Variants in ICA1 observed in about 807,000 individuals in gnomAD.
The protein encoded by ICA1 is 69 kDa islet cell autoantigen.
In ICA1, 40 loss-of-function variants were observed where a neutral mutation model predicts 71.0. That is an observed-to-expected ratio of 0.56 (90% CI 0.44 to 0.73). The LOEUF is 0.73. Among genes scored for constraint, ICA1 ranks in the 30% least tolerant of loss-of-function variants. ICA1 has a pLI of 0.00. For missense variants in ICA1, 578 were observed against 576.5 expected, an observed-to-expected ratio of 1.00 and a Z score of -0.03; for synonymous variants, 207 against 209.5, an observed-to-expected ratio of 0.99 and a Z score of 0.10.
intron 13 of ICA1, among the ~76,000 whole-genome samples, chr7:8,116,730 G>C (rs1338539735): frequency 6.6e-6 from 1 of 150,940 alleles, no homozygotes; most frequent in Non-Finnish European, 1.5e-5. Context: ...GAAGCAATAG[G>C]ACTAGTAACT....
At chr7:8,241,243 C>T (rs899573461) in intron 1 of ICA1, among the ~76,000 whole-genome samples, 3 of 152,158 alleles carry the variant, frequency 2.0e-5, no homozygotes, top group African/African-American at 7.2e-5. Context: ...AAGCCAGAAG[C>T]GAGTGGGGGC....
intron 6 of ICA1, among the ~76,000 whole-genome samples, chr7:8,167,635 T>TA (rs199502925): frequency 0.01 from 1,527 of 151,934 alleles, 31 homozygotes; most frequent in African/African-American, 0.034. Context: ...AAATAAATGT[T>TA]AAAAAAAAGC....
At chr7:8,127,434 G>C (rs552384438) in intron 13 of ICA1, among the ~76,000 whole-genome samples, 1 of 152,232 alleles carries the variant, frequency 6.6e-6, no homozygotes, top group Admixed American at 6.5e-5. Context: ...GATAGAAAGG[G>C]AGCAGAAATG....
chr7:8,239,704 CTT>C (rs1334517643), intron 1 of ICA1, among the ~76,000 whole-genome samples: 2 of 152,234 alleles, frequency 1.3e-5, no homozygotes, highest in Non-Finnish European at 2.9e-5. Flanking sequence ...AAATACTGCA[CTT>C]TTCCAACAGT....
intron 1 of ICA1, among the ~76,000 whole-genome samples, chr7:8,250,807 A>T (rs1024258466): frequency 6.6e-6 from 1 of 152,238 alleles, no homozygotes; most frequent in Non-Finnish European, 1.5e-5. Flanking sequence ...GGTAGCTAAA[A>T]GGTGAGTTTT....
chr7:8,116,240 ACTG>A (rs1409214897), intron 13 of ICA1: 7 of 152,228 alleles, frequency 4.6e-5, no homozygotes, highest in African/African-American at 1.7e-4. Context: ...ATTACCTTTC[ACTG>A]CAGGGCTGTT....
At chr7:8,217,583 C>A (rs183590745) in intron 6 of ICA1, among the ~76,000 whole-genome samples, 1 of 152,096 alleles carries the variant, frequency 6.6e-6, no homozygotes, top group Non-Finnish European at 1.5e-5. Flanking sequence ...TATATCCAGG[C>A]GACCAAACAA....
chr7:8,203,670 T>A (rs1790499591), intron 6 of ICA1, among the ~76,000 whole-genome samples: 1 of 152,224 alleles, frequency 6.6e-6, no homozygotes, highest in African/African-American at 2.4e-5. Context: ...GAGGCCCTAA[T>A]TCAGAGTGAG....
chr7:8,243,049 C>A (rs1361284867), intron 1 of ICA1, among the ~76,000 whole-genome samples: 3 of 152,150 alleles, frequency 2.0e-5, no homozygotes, highest in Non-Finnish European at 4.4e-5. Flanking sequence ...AGAGGGAATC[C>A]TCCTTAACTC....
In ICA1 at chr7:8,130,917, C is replaced by T. The variant is rs578087041; in HGVS notation, c.1061-2775G>A. Among the ~76,000 whole-genome samples the T allele has an allele frequency of 6.6e-6, 1 of 152,248 alleles. No individual in the cohort carries two copies. The highest frequency in any genetic ancestry group is 2.1e-4 in the South Asian group (1 of 4,822). ...CCCTTCCCTCTGCTTCTTCAGTTTT[C>T]CCTTTGGGAAAATGCCTTCTCCATG... is the stretch of plus-strand genomic sequence containing the variant. On this transcript the variant is annotated intron_variant, in intron 12 of 13. Transcript: ENST00000402384. This position sits in a 1 kb window ranked among gnomAD's most constrained non-coding sequence, Gnocchi z 4.2.
chr7:8,218,379 C>A lies in ICA1; in HGVS notation c.505G>T (p.Ala169Ser). Residue 169 changes from alanine to serine, a missense_variant, in exon 6 of 14, where the codon GCA (alanine) becomes TCA (serine). By Grantham distance (99) the Ala-to-Ser change is moderately conservative. Transcript: ENST00000402384. ...MEQCRTEYRG[A>S]LLWMKDVSQE... ...GACACGTCCTTCATCCATAATAGTGCTCCTCTATATTCCGTCCTGCACTGT... is the reference window on the plus strand; with the variant it reads ...GACACGTCCTTCATCCATAATAGTGATCCTCTATATTCCGTCCTGCACTGT... 1.2e-6 allele frequency: 2 copies of A among 1,614,140 alleles called. No individual in the cohort carries two copies. The highest frequency in any genetic ancestry group is 1.7e-6 in the Non-Finnish European group (2 of 1,179,976).
chr7:8,118,520 T>A (rs904171604), intron 13 of ICA1, among the ~76,000 whole-genome samples: 5 of 152,194 alleles, frequency 3.3e-5, no homozygotes, highest in African/African-American at 4.8e-5. Context: ...CGATTTTTTT[T>A]AATGACCAGT....
intron 6 of ICA1, among the ~76,000 whole-genome samples, chr7:8,160,739 C>T (rs1471826333): frequency 6.6e-6 from 1 of 152,182 alleles, no homozygotes; most frequent in Non-Finnish European, 1.5e-5. Context: ...TCAGTAGCCA[C>T]CCAGTTCCTT....
chr7:8,246,350 G>A (rs916536447), intron 1 of ICA1, among the ~76,000 whole-genome samples: 4 of 152,200 alleles, frequency 2.6e-5, no homozygotes, highest in Non-Finnish European at 4.4e-5. Context: ...ATAGATCAAT[G>A]GAAAGCAAGT....
intron 3 of ICA1, among the ~76,000 whole-genome samples, chr7:8,232,227 T>A (rs542892191): frequency 6.6e-6 from 1 of 152,360 alleles, no homozygotes; most frequent in Admixed American, 6.5e-5. Flanking sequence ...ACGTTTTACC[T>A]GAGTTCTTCT....
At chr7:8,122,215 T>C (rs1276841688) in intron 13 of ICA1, among the ~76,000 whole-genome samples, 1 of 152,144 alleles carries the variant, frequency 6.6e-6, no homozygotes, top group Non-Finnish European at 1.5e-5. Flanking sequence ...GGTGTACTGA[T>C]AGCACACGTG....
At chr7:8,118,014 T>G (rs953871716) in intron 13 of ICA1, among the ~76,000 whole-genome samples, 1 of 152,368 alleles carries the variant, frequency 6.6e-6, no homozygotes, top group African/African-American at 2.4e-5. Flanking sequence ...GTGCACTGAA[T>G]GCTACACAAT....
intron 4 of ICA1, among the ~76,000 whole-genome samples, chr7:8,224,923 G>T (rs904232519): frequency 1.3e-5 from 2 of 152,202 alleles, no homozygotes; most frequent in African/African-American, 4.8e-5. Context: ...ACACAATGGT[G>T]AAGTGTCTTT....
Position 8,218,458 on chromosome 7 carries a change from C to T in ICA1, c.426G>A (p.Glu142=). The change falls in exon 6 of 14, where the codon GAG becomes GAA. Residue 142 remains glutamate, a synonymous_variant. Coordinates refer to ENST00000402384, the MANE Select transcript of ICA1 (RefSeq NM_001136020.3). ...CTGAGATGGCCCGATGCCGAAAAGTCTCCACTTCTTGGTGAAATCGACACA... is the reference window on the plus strand; with the variant it reads ...CTGAGATGGCCCGATGCCGAAAAGTTTCCACTTCTTGGTGAAATCGACACA... The part of the protein sequence containing the change: ...NPLCRFHQEV[E]TFRHRAISDT... 2 of 1,614,144 alleles carry T rather than the reference C, an allele frequency of 1.2e-6. No homozygotes were observed. The highest frequency in any genetic ancestry group is 1.1e-5 in the South Asian group (1 of 91,084).
Sources: allele counts gnomAD v4.1 joint callset (sites outside exome capture counted in the v4.1 genomes callset), GRCh38; gene constraint gnomAD v4.1.1; non-coding constraint Gnocchi (gnomAD v3.1); transcripts MANE v1.5; gene names NCBI Gene and HGNC (gene_info 2026-07-23, HGNC 2026-07-21).